The following RGS7 variants were observed in gnomAD, a reference collection of about 807,000 sequenced individuals.
RGS7 encodes regulator of G protein signaling 7, also known as regulator of G-protein signaling 7.
Under a neutral mutation model 81.1 loss-of-function variants are expected in RGS7, and 27 were observed. The ratio of observed to expected loss-of-function variants is 0.33; its 90% CI spans 0.25 to 0.46. The LOEUF (loss-of-function observed/expected upper bound fraction) is 0.46, where lower values mean the gene tolerates loss of function less well. Ranked by LOEUF, RGS7 falls within the 20% of genes least tolerant of loss-of-function variation. The probability of loss-of-function intolerance (pLI) is 1.00; values close to 1 mark genes in which losing one functional copy is unlikely to be tolerated. For synonymous variants in RGS7, 208 were observed against 207.7 expected (o/e 1.00, Z -0.01); for missense variants, 396 against 607.4 (o/e 0.65, Z 3.66).
chr1:241,273,478 GT>G (rs2078036228), intron 2 of RGS7, among the ~76,000 whole-genome samples: 1 of 151,796 alleles, frequency 6.6e-6, no homozygotes, highest in Non-Finnish European at 1.5e-5. Context: ...TCAGGGAATT[GT>G]TTTTTGTTCA....
chr1:241,328,467 A>C (rs1306404436), intron 2 of RGS7, among the ~76,000 whole-genome samples: 2 of 152,214 alleles, frequency 1.3e-5, no homozygotes, highest in East Asian at 3.8e-4. Flanking sequence ...CATGGGATTC[A>C]TATCTGTCCT....
chr1:241,353,957 C>T (rs1247048915), intron 2 of RGS7, among the ~76,000 whole-genome samples: 1 of 152,108 alleles, frequency 6.6e-6, no homozygotes, highest in African/African-American at 2.4e-5. Context: ...GAATGACACA[C>T]ACTAGTTGCT....
chr1:240,942,451 T>A lies in RGS7; in HGVS notation c.227-5745A>T, dbSNP rs569828620. ...CATAATTTTGCAACGATTAATAAAA[T>A]GCCTCTGAGTCAAGAAAGTAATTTA... On this transcript the variant is annotated intron_variant, in intron 4 of 18. Transcript: ENST00000440928. Among the ~76,000 whole-genome samples, 60 of 152,342 alleles carry A rather than the reference T, an allele frequency of 3.9e-4. 1 individual carries two copies. The highest frequency in any genetic ancestry group is 4.6e-4 in the Non-Finnish European group (31 of 68,032).
intron 18 of RGS7, among the ~76,000 whole-genome samples, chr1:240,799,285 GTT>G (rs1340413729): frequency 2.6e-4 from 36 of 138,148 alleles, no homozygotes; most frequent in South Asian, 6.5e-4. Context: ...GTGTGTCTAT[GTT>G]TGTGTGTGTG....
intron 4 of RGS7, among the ~76,000 whole-genome samples, chr1:240,960,392 C>A (rs1681220702): frequency 6.7e-6 from 1 of 150,366 alleles, no homozygotes; most frequent in Non-Finnish European, 1.5e-5. Flanking sequence ...TACAGGGGCA[C>A]AGCACCATGC....
intron 6 of RGS7, among the ~76,000 whole-genome samples, chr1:240,882,357 G>C (rs900805094): frequency 2.0e-5 from 3 of 152,176 alleles, no homozygotes; most frequent in African/African-American, 7.2e-5. Flanking sequence ...CAAAGGAAAG[G>C]GAAATGTCAT....
chr1:241,029,170 T>C (rs1438817148), intron 3 of RGS7, among the ~76,000 whole-genome samples: 1 of 151,802 alleles, frequency 6.6e-6, no homozygotes, highest in Non-Finnish European at 1.5e-5. Context: ...GAAGTCACTC[T>C]ATAAAGCAGA....
intron 6 of RGS7, among the ~76,000 whole-genome samples, chr1:240,876,137 T>C (rs1665371090): frequency 6.6e-6 from 1 of 152,194 alleles, no homozygotes; most frequent in Admixed American, 6.5e-5. Context: ...CCCTTTCAAC[T>C]CTTCCACCCA....
chr1:241,231,493 A>T (rs925397507), intron 2 of RGS7, among the ~76,000 whole-genome samples: 22 of 151,342 alleles, frequency 1.5e-4, no homozygotes, highest in African/African-American at 5.1e-4. Flanking sequence ...CTGGTCTCAA[A>T]CTCTATAGGC....
chr1:241,086,772 C>T (rs2492998), intron 3 of RGS7, among the ~76,000 whole-genome samples: 37,657 of 152,092 alleles, frequency 0.25, 6,407 homozygotes, highest in African/African-American at 0.48. Context: ...TGGAGTCATC[C>T]CTCTGCACTT....
chr1:241,003,307 A>C (rs940993689), intron 3 of RGS7, among the ~76,000 whole-genome samples: 21 of 151,704 alleles, frequency 1.4e-4, no homozygotes, highest in Non-Finnish European at 2.6e-4. Context: ...TAAAAATACA[A>C]AAAATTAGCC....
intron 2 of RGS7, among the ~76,000 whole-genome samples, chr1:241,125,470 C>T (rs2066594991): frequency 6.6e-6 from 1 of 151,974 alleles, no homozygotes; most frequent in African/African-American, 2.4e-5. Flanking sequence ...AATTCATCCT[C>T]CCTTTGATCC....
intron 2 of RGS7, among the ~76,000 whole-genome samples, chr1:241,155,150 C>T (rs1461297127): frequency 2.6e-5 from 4 of 152,138 alleles, no homozygotes; most frequent in African/African-American, 9.7e-5. Flanking sequence ...GTCAGGGTCT[C>T]ACTGTCTTGC....
chr1:240,928,414 TAA>T (rs1021387331), intron 6 of RGS7, among the ~76,000 whole-genome samples: 2 of 152,140 alleles, frequency 1.3e-5, no homozygotes, highest in African/African-American at 4.8e-5. Context: ...CGATCTACTT[TAA>T]GAGATGTTCT....
At chr1:241,252,188 C>T (rs1371499867) in intron 2 of RGS7, among the ~76,000 whole-genome samples, 9 of 151,884 alleles carry the variant, frequency 5.9e-5, no homozygotes, top group South Asian at 2.1e-4. Flanking sequence ...GGATTACAGG[C>T]GCCCACCACC....
chr1:241,182,302 A>G (rs1558163051), intron 2 of RGS7, among the ~76,000 whole-genome samples: 2 of 152,158 alleles, frequency 1.3e-5, no homozygotes, highest in African/African-American at 4.8e-5. Context: ...TAGGACTCCA[A>G]AGAATAAAAA....
rs1396551751 is a variant in RGS7 at position 241,144,920 on chromosome 1, C to G, written c.79-46158G>C. The stretch of plus-strand genomic sequence containing the variant: ...TGTGAGTCAGTATGTGTTGGCAGGG[C>G]AGGATGGTGTGTGTGTGTGTGTGTG... On this transcript the variant is annotated intron_variant, in intron 2 of 18. Coordinates refer to ENST00000440928, the MANE Select transcript of RGS7 (RefSeq NM_001364886.1). This position sits in a 1 kb window ranked among gnomAD's most constrained non-coding sequence, Gnocchi z 4.7. Among the ~76,000 whole-genome samples the G allele has an allele frequency of 7.6e-6, 1 of 130,906 alleles. No individual in the cohort carries two copies. Among genetic ancestry groups the G allele is most frequent in the African/African-American group, 3.9e-5 (1 of 25,462 alleles). The allele number at this position is 130,906 out of a possible 152,430, so 85.9% of individuals were successfully genotyped here.
chr1:241,265,267 CG>C (rs1467450487), intron 2 of RGS7, among the ~76,000 whole-genome samples: 1 of 152,218 alleles, frequency 6.6e-6, no homozygotes, highest in African/African-American at 2.4e-5. Context: ...GCCATTTACT[CG>C]GCCATCTCCA....
At chr1:241,047,540 T>C (rs2060999295) in intron 3 of RGS7, among the ~76,000 whole-genome samples, 1 of 152,152 alleles carries the variant, frequency 6.6e-6, no homozygotes, top group Non-Finnish European at 1.5e-5. Context: ...TACTCTCTAA[T>C]GTACTTCAGC....
Sources: gnomAD v4.1 joint callset for allele counts (sites outside exome capture counted in the v4.1 genomes callset) on GRCh38, gnomAD v4.1.1 for gene constraint, Gnocchi (gnomAD v3.1) non-coding constraint, MANE v1.5 for transcripts, NCBI Gene and HGNC (gene_info 2026-07-23, HGNC 2026-07-21) for gene names.